Variants in GARNL3 observed in about 807,000 individuals in gnomAD.
The protein encoded by GARNL3 is GTPase activating Rap/RanGAP domain like 3.
In GARNL3, 63 loss-of-function variants were observed where a neutral mutation model predicts 125.0. That is an observed-to-expected ratio of 0.50 (90% CI 0.41 to 0.62). The LOEUF is 0.62. Among genes scored for constraint, GARNL3 ranks in the 20% least tolerant of loss-of-function variants. The pLI, the probability that GARNL3 is intolerant of heterozygous loss-of-function variation, is 0.00. For synonymous variants in GARNL3, 439 were observed against 457.5 expected, an observed-to-expected ratio of 0.96 and a Z score of 0.52; for missense variants, 994 against 1,244.0, an observed-to-expected ratio of 0.80 and a Z score of 3.02.
At chr9:127,263,599 G>GA, upstream of GARNL3, 1 of 751,738 alleles carries the variant, frequency 1.3e-6, no homozygotes, top group Non-Finnish European at 1.6e-6. Flanking sequence ...ATACAGATTG[G>GA]AATAGACCAT....
At chr9:127,291,669 G>T (rs565465742) in intron 2 of GARNL3, among the ~76,000 whole-genome samples, 1 of 149,726 alleles carries the variant, frequency 6.7e-6, no homozygotes, top group African/African-American at 2.5e-5. Context: ...CTTGGGCCAC[G>T]CCTACTTTCT....
intron 13 of GARNL3, 36 bp downstream of exon 13, chr9:127,339,787 T>C (rs760870275): frequency 6.4e-6 from 8 of 1,255,978 alleles, no homozygotes; most frequent in Non-Finnish European, 8.2e-6. Context: ...TGCAACTTGT[T>C]CTATGTCAGA....
intron 17 of GARNL3, among the ~76,000 whole-genome samples, chr9:127,351,607 G>C (rs932112679): frequency 1.3e-5 from 2 of 152,080 alleles, no homozygotes; most frequent in African/African-American, 4.8e-5. Flanking sequence ...GTTTCCATGA[G>C]TGAATCCATC....
At chr9:127,299,185 C>T (rs1436266874) in intron 2 of GARNL3, among the ~76,000 whole-genome samples, 2 of 151,610 alleles carry the variant, frequency 1.3e-5, no homozygotes, top group African/African-American at 2.4e-5. Flanking sequence ...GGTGTGCTGG[C>T]GGGTGCCTGT....
intron 25 of GARNL3, among the ~76,000 whole-genome samples, chr9:127,388,049 G>A (rs1370729973): frequency 6.6e-6 from 1 of 152,094 alleles, no homozygotes; most frequent in Non-Finnish European, 1.5e-5. Flanking sequence ...GGGAGGCTGA[G>A]GTGGGAGGAT....
intron 2 of GARNL3, chr9:127,243,304 G>A (rs1037727751): frequency 2.4e-5 from 31 of 1,304,570 alleles, no homozygotes; most frequent in Non-Finnish European, 3.0e-5. Flanking sequence ...ACTATAGCTT[G>A]AAATCCCTTA....
chr9:127,306,690 C>T (rs1564902322), intron 2 of GARNL3, among the ~76,000 whole-genome samples: 1 of 150,472 alleles, frequency 6.6e-6, no homozygotes, highest in Admixed American at 6.6e-5. Context: ...TCGCGCCACT[C>T]TACTCCAGCC....
chr9:127,336,083 A>G lies in GARNL3; in HGVS notation c.874-45A>G, dbSNP rs368965754. On this transcript the variant is annotated intron_variant, in intron 10 of 27. Coordinates refer to ENST00000373387, the MANE Select transcript of GARNL3 (RefSeq NM_032293.5). ...GTTTTTTTAACTCTGTGAATGTGCC[A>G]TGTTTGAGAGTCTTTCTCAGTGATG... 62 of 1,361,626 alleles carry G rather than the reference A, an allele frequency of 4.6e-5. No individual in the cohort carries two copies. The African/African-American group carries it at 7.7e-4, about 17-fold the overall frequency. The allele number at this position is 1,361,626 out of a possible 1,614,324, so 84.3% of individuals were successfully genotyped here.
rs1285311314 is a variant in GARNL3, at chr9:127,280,187, C to G, written c.145-10981C>G. Among the ~76,000 whole-genome samples, 2 of 152,220 alleles carry G rather than the reference C, an allele frequency of 1.3e-5. No individual in the cohort carries two copies. The highest frequency in any genetic ancestry group is 6.5e-5 in the Admixed American group (1 of 15,284). On this transcript the variant is annotated intron_variant, in intron 1 of 27. Coordinates refer to ENST00000373387, the MANE Select transcript of GARNL3 (RefSeq NM_032293.5). The surrounding 1 kb of genome is among the most constrained non-coding windows in gnomAD (Gnocchi z 4.5). ...GATGCAGATTGTGAAGAGGTTAAATCTCCCCCAGCCCCTTGGCATGTTGGG... is the reference window on the plus strand; with the variant it reads ...GATGCAGATTGTGAAGAGGTTAAATGTCCCCCAGCCCCTTGGCATGTTGGG...
At chr9:127,387,129 A>T in intron 24 of GARNL3, 64 bp from the exon 25 acceptor site, 1 of 1,530,936 alleles carries the variant, frequency 6.5e-7, no homozygotes, top group Non-Finnish European at 8.9e-7. Context: ...TGATGGCAGG[A>T]GGGCCAGTGG....
Position 127,338,160 on chromosome 9 carries a change from A to G in GARNL3, c.1027A>G (p.Arg343Gly), listed in dbSNP as rs1430716970. The G allele has an allele frequency of 6.2e-7, 1 of 1,606,556 alleles. No individual in the cohort carries two copies. The highest frequency in any genetic ancestry group is 1.1e-5 in the South Asian group (1 of 90,910). ...ATACAATCAACAAAATGACAATTACAGGTAGGTAATGACTTTGTCTCGATT... is the reference window on the plus strand; with the variant it reads ...ATACAATCAACAAAATGACAATTACGGGTAGGTAATGACTTTGTCTCGATT... ...VRYNQQNDNY[R>G]LKIFSEESVP... The change falls in exon 12 of 28, where the codon AGG becomes GGG. Residue 343 changes from arginine (R) to glycine (G), a missense_variant and splice_region_variant. Around this residue, in one of 5 missense-constraint regions of GARNL3, gnomAD observed 728 missense variants for 865.7 expected, o/e 0.84. Transcript: ENST00000373387.
intron 22 of GARNL3, among the ~76,000 whole-genome samples, chr9:127,372,871 G>C (rs1352424481): frequency 6.6e-6 from 1 of 152,210 alleles, no homozygotes; most frequent in African/African-American, 2.4e-5. Context: ...ACTTCCCAGT[G>C]TGGAAGCTTG....
At chr9:127,345,989 C>T (rs1451957313) in intron 16 of GARNL3, among the ~76,000 whole-genome samples, 8 of 152,216 alleles carry the variant, frequency 5.3e-5, no homozygotes, top group African/African-American at 1.9e-4. Flanking sequence ...TGAAAGTTTG[C>T]ATCTCTAATG....
At chr9:127,391,533 A>AAAAAAAAAAAAAAAATATAT in intron 27 of GARNL3, among the ~76,000 whole-genome samples, 1 of 75,874 alleles carries the variant, frequency 1.3e-5, no homozygotes, top group Non-Finnish European at 3.2e-5. Context: ...ACAAAAAAAA[A>AAAAAAAAAAAAAAAATATAT]ATATATATAT....
upstream of GARNL3, among the ~76,000 whole-genome samples, chr9:127,259,638 G>T (rs1009104635): frequency 1.3e-5 from 2 of 152,030 alleles, no homozygotes; most frequent in African/African-American, 2.4e-5. Flanking sequence ...CTGCTACCTG[G>T]GGATAAAAGG....
intron 4 of GARNL3, among the ~76,000 whole-genome samples, chr9:127,315,593 A>G (rs1337800381): frequency 6.6e-6 from 1 of 151,888 alleles, no homozygotes; most frequent in Non-Finnish European, 1.5e-5. Flanking sequence ...GTGAGCTATG[A>G]TTGTACCACT....
intron 1 of GARNL3, among the ~76,000 whole-genome samples, chr9:127,241,519 G>A (rs148207695): frequency 6.6e-6 from 1 of 151,876 alleles, no homozygotes; most frequent in Non-Finnish European, 1.5e-5. Flanking sequence ...GCCAAGATAA[G>A]TGGCCTGAAG....
At chr9:127,297,288 G>C (rs1187043257) in intron 2 of GARNL3, among the ~76,000 whole-genome samples, 1 of 151,936 alleles carries the variant, frequency 6.6e-6, no homozygotes, top group Non-Finnish European at 1.5e-5. Flanking sequence ...ACAGGCGCAG[G>C]CCACCACGTC....
intron 15 of GARNL3, 71 bp from the exon 16 acceptor site, chr9:127,345,332 A>C: frequency 1.1e-6 from 1 of 925,616 alleles, no homozygotes; most frequent in Admixed American, 2.7e-5. Flanking sequence ...AATTTTTGTC[A>C]AATCACAATT....
Sources: allele counts gnomAD v4.1 joint callset (sites outside exome capture counted in the v4.1 genomes callset), GRCh38; gene constraint gnomAD v4.1.1; regional missense constraint gnomAD v4.1.1; non-coding constraint Gnocchi (gnomAD v3.1); transcripts MANE v1.5; gene names NCBI Gene and HGNC (gene_info 2026-07-23, HGNC 2026-07-21).